The following SCN10A variants were observed in gnomAD, a reference collection of about 807,000 sequenced individuals.
SCN10A encodes sodium channel protein type 10 subunit alpha.
A neutral mutation model predicts 170.7 loss-of-function variants in SCN10A; 162 were observed. The observed-to-expected ratio is 0.95, with a 90% CI of 0.84 to 1.08. The LOEUF (loss-of-function observed/expected upper bound fraction) is 1.08, where lower values mean the gene tolerates loss of function less well. Among genes scored for constraint, SCN10A ranks in the 50% least tolerant of loss-of-function variants. SCN10A has a pLI of 0.00. For synonymous variants in SCN10A, 985 were observed against 904.6 expected (o/e 1.09, Z -1.59); for missense variants, 2,527 against 2,436.9 (o/e 1.04, Z -0.78).
intron 15 of SCN10A, among the ~76,000 whole-genome samples, chr3:38,731,427 A>C (rs1464015280): frequency 1.3e-5 from 2 of 152,232 alleles, no homozygotes; most frequent in African/African-American, 2.4e-5. Context: ...AAAGGGTTGA[A>C]GAAATCAATA....
At chr3:38,773,777 G>T (rs1046345091) in intron 4 of SCN10A, among the ~76,000 whole-genome samples, 8 of 152,144 alleles carry the variant, frequency 5.3e-5, no homozygotes, top group African/African-American at 1.9e-4. Flanking sequence ...TCTAACTGAA[G>T]ATTACAATAT....
intron 21 of SCN10A, among the ~76,000 whole-genome samples, chr3:38,716,507 C>G (rs1343986958): frequency 6.6e-6 from 1 of 152,144 alleles, no homozygotes; most frequent in South Asian, 2.1e-4. Flanking sequence ...TAAGGCTTCC[C>G]CAGCCATGTG....
intron 1 of SCN10A, among the ~76,000 whole-genome samples, chr3:38,803,284 G>T (rs1237220637): frequency 6.6e-6 from 1 of 152,112 alleles, no homozygotes; most frequent in African/African-American, 2.4e-5. Context: ...ATTTGACCCA[G>T]GCATCCCATT....
chr3:38,736,100 A>C (rs1313245018), intron 15 of SCN10A, among the ~76,000 whole-genome samples: 1 of 152,228 alleles, frequency 6.6e-6, no homozygotes, highest in Non-Finnish European at 1.5e-5. Context: ...CTAAAGGAAA[A>C]GTATTCCAGG....
At chr3:38,738,871 G>A (rs1174130903) in intron 15 of SCN10A, among the ~76,000 whole-genome samples, 2 of 152,214 alleles carry the variant, frequency 1.3e-5, no homozygotes, top group Non-Finnish European at 2.9e-5. Context: ...TTAGAGAAGA[G>A]CCATCATTGC....
chr3:38,718,919 A>C, intron 20 of SCN10A, 93 bp from the exon 21 acceptor site: 2 of 1,215,754 alleles, frequency 1.6e-6, no homozygotes, highest in Non-Finnish European at 2.3e-6. Flanking sequence ...AGCCCTGACC[A>C]CAGTCCCTGG....
rs773243150 is a variant in SCN10A at position 38,707,333 on chromosome 3, A to T, written c.4332T>A (p.Asn1444Lys). 1 of 1,614,130 alleles carries T rather than the reference A, an allele frequency of 6.2e-7. No homozygotes were observed. The highest frequency in any genetic ancestry group is 8.5e-7 in the Non-Finnish European group (1 of 1,180,006). ...FMTEEQKKYYNAMKKLGSKKP... is the reference protein window; with the variant it reads ...FMTEEQKKYYKAMKKLGSKKP... The stretch of plus-strand genomic sequence containing the variant: ...TCTTGGAGCCCAACTTCTTCATGGC[A>T]TTGTAGTATTTCTTCTGCTCCTCTG... Residue 1444 changes from asparagine (N) to lysine (K), a missense_variant, in exon 26 of 28, where the codon AAT (asparagine) becomes AAA (lysine). By Grantham distance (94) the Asn-to-Lys change is moderately conservative. Coordinates refer to ENST00000449082, the MANE Select transcript of SCN10A (RefSeq NM_006514.4).
intron 2 of SCN10A, among the ~76,000 whole-genome samples, chr3:38,793,410 T>C (rs1479750112): frequency 1.3e-5 from 2 of 152,124 alleles, no homozygotes; most frequent in Non-Finnish European, 2.9e-5. Context: ...AACCTCAAGA[T>C]GTCTGCTCTC....
intron 15 of SCN10A, among the ~76,000 whole-genome samples, chr3:38,733,990 GATTACAGGC>G (rs2063535658): frequency 6.6e-6 from 1 of 151,628 alleles, no homozygotes; most frequent in Non-Finnish European, 1.5e-5. Flanking sequence ...ACAGTGCTGG[GATTACAGGC>G]ATTAACCACT....
intron 18 of SCN10A, 90 bp downstream of exon 18, chr3:38,725,084 C>T (rs1219606053): frequency 1.9e-5 from 25 of 1,297,292 alleles, no homozygotes; most frequent in Non-Finnish European, 1.9e-5. Context: ...CTGGAATACC[C>T]CACCTTCACC....
chr3:38,783,292 C>T (rs1174797783), intron 4 of SCN10A, among the ~76,000 whole-genome samples: 8 of 152,104 alleles, frequency 5.3e-5, no homozygotes, highest in African/African-American at 1.9e-4. Context: ...CCAGCTCCTT[C>T]CCAATTACAT....
intron 1 of SCN10A, among the ~76,000 whole-genome samples, chr3:38,809,585 T>G (rs1308087722): frequency 1.3e-5 from 2 of 152,176 alleles, no homozygotes; most frequent in Non-Finnish European, 2.9e-5. Flanking sequence ...GGAAAAGCAA[T>G]GGGTTAGTGG....
At chr3:38,806,583 T>A (rs2064406743) in intron 1 of SCN10A, among the ~76,000 whole-genome samples, 1 of 152,186 alleles carries the variant, frequency 6.6e-6, no homozygotes, top group African/African-American at 2.4e-5. Context: ...CTCATTTCTG[T>A]AATTTGTAAA....
chr3:38,764,901 T>G (rs2063914662), intron 5 of SCN10A, among the ~76,000 whole-genome samples: 1 of 152,240 alleles, frequency 6.6e-6, no homozygotes, highest in Non-Finnish European at 1.5e-5. Flanking sequence ...ATGGCCATTC[T>G]TGCAGGAGTA....
At chr3:38,798,553 G>A (rs1409466697) in intron 1 of SCN10A, among the ~76,000 whole-genome samples, 1 of 152,180 alleles carries the variant, frequency 6.6e-6, no homozygotes, top group Non-Finnish European at 1.5e-5. Flanking sequence ...TATAGGATTA[G>A]TCTGGGCCTG....
intron 4 of SCN10A, among the ~76,000 whole-genome samples, chr3:38,780,388 T>G (rs1202684026): frequency 6.6e-6 from 1 of 152,080 alleles, no homozygotes; most frequent in Non-Finnish European, 1.5e-5. Flanking sequence ...TTATTCAACA[T>G]AGAGTTGGGT....
intron 2 of SCN10A, among the ~76,000 whole-genome samples, chr3:38,792,601 C>T (rs74928884): frequency 0.016 from 2,421 of 152,318 alleles, 55 homozygotes; most frequent in African/African-American, 0.056. Context: ...CTTAAATCCT[C>T]TCCTGGTTTC....
intron 4 of SCN10A, among the ~76,000 whole-genome samples, chr3:38,782,220 C>T (rs1452073931): frequency 6.6e-6 from 1 of 152,108 alleles, no homozygotes; most frequent in Non-Finnish European, 1.5e-5. Flanking sequence ...TGAACATACT[C>T]TGCTCACATG....
chr3:38,700,342 T>C (rs1460790720), intron 27 of SCN10A, among the ~76,000 whole-genome samples: 1 of 152,212 alleles, frequency 6.6e-6, no homozygotes, highest in East Asian at 1.9e-4. Flanking sequence ...TTATGTGACA[T>C]GAATAAATCC....
Sources: gnomAD v4.1 joint callset for allele counts (sites outside exome capture counted in the v4.1 genomes callset) on GRCh38, gnomAD v4.1.1 for gene constraint, MANE v1.5 for transcripts, NCBI Gene and HGNC (gene_info 2026-07-23, HGNC 2026-07-21) for gene names.